The following PTPN21 variants were observed in gnomAD, a reference collection of about 807,000 sequenced individuals.
The protein encoded by PTPN21 is protein tyrosine phosphatase non-receptor type 21.
A neutral mutation model predicts 131.8 loss-of-function variants in PTPN21; 77 were observed. The observed-to-expected ratio is 0.58, with a 90% CI of 0.49 to 0.71. PTPN21 has a LOEUF of 0.71. Among genes scored for constraint, PTPN21 ranks in the 30% least tolerant of loss-of-function variants. The pLI, the probability that PTPN21 is intolerant of heterozygous loss-of-function variation, is 0.00. For synonymous variants in PTPN21, 715 were observed against 621.3 expected, an observed-to-expected ratio of 1.15 and a Z score of -2.24; for missense variants, 1,552 against 1,527.1, an observed-to-expected ratio of 1.02 and a Z score of -0.27.
chr14:88,511,153 C>T (rs1415535957), intron 3 of PTPN21, among the ~76,000 whole-genome samples: 1 of 151,950 alleles, frequency 6.6e-6, no homozygotes, highest in African/African-American at 2.4e-5. Context: ...TGAGCTCAAG[C>T]GATCCTCCCA....
chr14:88,546,894 T>C (rs1004834069), intron 2 of PTPN21, among the ~76,000 whole-genome samples: 3 of 152,228 alleles, frequency 2.0e-5, no homozygotes, highest in Non-Finnish European at 2.9e-5. Flanking sequence ...GCAGAGCTTC[T>C]GGGGCTTTCA....
chr14:88,495,913 A>G (rs557723471), intron 10 of PTPN21, among the ~76,000 whole-genome samples: 2 of 152,326 alleles, frequency 1.3e-5, no homozygotes, highest in South Asian at 2.1e-4. Context: ...AAGCATACAC[A>G]ACTCTCTTGA....
chr14:88,539,172 C>T (rs2078669165), intron 2 of PTPN21, among the ~76,000 whole-genome samples: 1 of 151,886 alleles, frequency 6.6e-6, no homozygotes, highest in Non-Finnish European at 1.5e-5. Flanking sequence ...CAACCTCCAC[C>T]TCCTGGGTTC....
Position 88,550,519 on chromosome 14 carries a change from G to A in PTPN21, c.-102C>T, listed in dbSNP as rs2078850235. 2 of 1,136,306 alleles carry A rather than the reference G, an allele frequency of 1.8e-6. No individual in the cohort carries two copies. Among genetic ancestry groups the A allele is most frequent in the Admixed American group, 2.6e-5 (1 of 37,796 alleles). 70.4% of individuals were successfully genotyped at this position (1,136,306 alleles called of 1,614,324 possible). On this transcript the variant is annotated 5_prime_UTR_variant, in exon 2 of 19. Transcript: ENST00000556564. The stretch of plus-strand genomic sequence containing the variant: ...GAAAGCGATCCTCTCCGGATGGGAC[G>A]AACACTGTCCGGCCTCCAGCTGCTC...
At chr14:88,509,529 A>C (rs1457216403) in intron 3 of PTPN21, among the ~76,000 whole-genome samples, 2 of 152,134 alleles carry the variant, frequency 1.3e-5, no homozygotes, top group Non-Finnish European at 2.9e-5. Context: ...TTCTCCTTCC[A>C]CCTGCTAACA....
intron 2 of PTPN21, among the ~76,000 whole-genome samples, chr14:88,526,829 C>T (rs1422378117): frequency 1.3e-5 from 2 of 152,056 alleles, no homozygotes; most frequent in African/African-American, 4.8e-5. Context: ...CCTGGAAACC[C>T]CAAAGTCCAT....
At position 88,479,761 on chromosome 14, in the gene PTPN21, A is replaced by C. The variant is rs1487149733; in HGVS notation, c.1670T>G (p.Ile557Ser). 3.2e-6 allele frequency: 5 copies of C among 1,544,218 alleles called. No homozygotes were observed. The Admixed American group carries it at 5.5e-5, about 17-fold the overall frequency. The change falls in exon 13 of 19, where the codon ATC becomes AGC. Residue 557 changes from isoleucine (I) to serine (S), a missense_variant. Around this residue, in one of 4 missense-constraint regions of PTPN21, gnomAD observed 1,016 missense variants for 883.5 expected, o/e 1.15. Coordinates refer to ENST00000556564, the MANE Select transcript of PTPN21 (RefSeq NM_007039.4). ...TGGCCGGTACACCTGCGTCCGCATG[A>C]TGTTGGGAGACGGGTAGTCCTGCGC... is the stretch of plus-strand genomic sequence containing the variant. Reference protein sequence around the residue: ...LQAQDYPSPNIMRTQVYRPPP... With the variant: ...LQAQDYPSPNSMRTQVYRPPP...
chr14:88,494,088 C>T (rs946710077), intron 10 of PTPN21, among the ~76,000 whole-genome samples: 2 of 151,976 alleles, frequency 1.3e-5, no homozygotes, highest in East Asian at 1.9e-4. Context: ...AAGAACAAAA[C>T]AAAGTTAGAG....
intron 12 of PTPN21, among the ~76,000 whole-genome samples, chr14:88,482,038 C>T (rs73314162): frequency 0.037 from 5,621 of 152,282 alleles, 349 homozygotes; most frequent in African/African-American, 0.13. Flanking sequence ...CAGTGTGCAA[C>T]GGACAGGTGA....
intron 10 of PTPN21, among the ~76,000 whole-genome samples, chr14:88,492,602 C>A (rs917791861): frequency 6.6e-6 from 1 of 152,172 alleles, no homozygotes; most frequent in African/African-American, 2.4e-5. Flanking sequence ...TCCGGGTGGG[C>A]ATCCCCGCAT....
rs147572187 is a variant in PTPN21 at position 88,515,133 on chromosome 14, T to G, written c.350+1959A>C. On this transcript the variant is annotated intron_variant, in intron 3 of 18. Coordinates refer to ENST00000556564, the MANE Select transcript of PTPN21 (RefSeq NM_007039.4). ...AGTGCGAGCATCCTTGAAGACTCTG[T>G]GGAGCTGTCAGACAAGCTCTGCAAG... 1.3e-4 allele frequency: 20 copies of G among 152,308 alleles called. No individual in the cohort carries two copies. The East Asian group carries it at 3.7e-3, about 28-fold the overall frequency. The allele number at this position is 152,308 out of a possible 1,614,324, so 9.4% of individuals were successfully genotyped here. A position where few individuals can be genotyped will look rare whatever the true frequency, so the allele number is the denominator to read the frequency against.
intron 10 of PTPN21, among the ~76,000 whole-genome samples, chr14:88,486,977 CAAAAAA>C (rs1198956976): frequency 1.3e-4 from 7 of 54,622 alleles, no homozygotes; most frequent in African/African-American, 4.1e-4. Context: ...ATTCTAGCCT[CAAAAAA>C]AAAAAAAAAA....
chr14:88,480,909 G>A (rs539557269), intron 12 of PTPN21, among the ~76,000 whole-genome samples: 5 of 152,318 alleles, frequency 3.3e-5, no homozygotes, highest in African/African-American at 7.2e-5. Context: ...GTGTCCAGAA[G>A]CCAAGAGGAG....
At position 88,479,081 on chromosome 14, in the gene PTPN21, G is replaced by C; in HGVS notation, c.2350C>G (p.Gln784Glu). The stretch of plus-strand genomic sequence containing the variant: ...AGCAGCCCGTCTCTCCAGGGCCGCT[G>C]GGCCTCTGCGGTCGTGCGGACGGGG... The part of the protein sequence containing the change: ...SSPVRTTAEA[Q>E]RPWRDGLLMP... The change falls in exon 13 of 19, where the codon CAG (glutamine) becomes GAG (glutamate). Residue 784 changes from glutamine (Q) to glutamate (E), a missense_variant. Coordinates refer to ENST00000556564, the MANE Select transcript of PTPN21 (RefSeq NM_007039.4). 1 of 1,592,716 alleles carries C rather than the reference G, an allele frequency of 6.3e-7. No homozygotes were observed. The highest frequency in any genetic ancestry group is 8.5e-7 in the Non-Finnish European group (1 of 1,170,706).
At chr14:88,471,178 A>G (rs1265358928) in intron 15 of PTPN21, among the ~76,000 whole-genome samples, 1 of 152,206 alleles carries the variant, frequency 6.6e-6, no homozygotes, top group Non-Finnish European at 1.5e-5. Flanking sequence ...GCAGACTGCC[A>G]GTCTCCAGAA....
rs769742308 is a variant in PTPN21, at chr14:88,517,130, AT to A, written c.311del (p.Tyr104LeufsTer21). On this transcript the variant is annotated frameshift_variant, in exon 3 of 19. Coordinates refer to ENST00000556564, the MANE Select transcript of PTPN21 (RefSeq NM_007039.4). LOFTEE classifies it high-confidence loss of function. Reference sequence around the variant, plus strand: ...GCTGCAGCTGAGAAACTGAAGGCACATAAAACACCACTCCAAAATAGACGGT... The same window carrying A: ...GCTGCAGCTGAGAAACTGAAGGCACAAAAACACCACTCCAAAATAGACGGT... ...EPTVYFGVVF[Y>X]VPSVSQLQQE... 2.5e-6 allele frequency: 4 copies of A among 1,614,118 alleles called. No homozygotes were observed. The highest frequency in any genetic ancestry group is 3.4e-6 in the Non-Finnish European group (4 of 1,179,970).
intron 2 of PTPN21, among the ~76,000 whole-genome samples, 165 bp downstream of exon 2, chr14:88,550,073 T>TGCGCCCGGCCTTGTATGTG (rs1566857421): frequency 6.6e-6 from 1 of 151,724 alleles, no homozygotes; most frequent in Non-Finnish European, 1.5e-5. Flanking sequence ...TGTGAGCCAC[T>TGCGCCCGGCCTTGTATGTG]GCGCCCGGCC....
In PTPN21 at chr14:88,469,863, A is replaced by ATTAACATTAACTG; in HGVS notation, c.3000+46_3000+58dup. On this transcript the variant is annotated intron_variant, in intron 16 of 18. Coordinates refer to ENST00000556564, the MANE Select transcript of PTPN21 (RefSeq NM_007039.4). The surrounding 1 kb of genome is among the most constrained non-coding windows in gnomAD (Gnocchi z 4.3). ...TCTCCACAGGTCAGGATTCCAGATG[A>ATTAACATTAACTG]TTAACATTAACTGTTCTTCAGAGGC... 1.9e-6 allele frequency: 3 copies of ATTAACATTAACTG among 1,610,666 alleles called. No homozygotes were observed. The highest frequency in any genetic ancestry group is 2.5e-6 in the Non-Finnish European group (3 of 1,177,128).
chr14:88,498,312 A>G (rs1444437663), intron 8 of PTPN21, among the ~76,000 whole-genome samples: 1 of 151,944 alleles, frequency 6.6e-6, no homozygotes, highest in Non-Finnish European at 1.5e-5. Flanking sequence ...AAAAAAAAAC[A>G]GTGGTTTTAA....
Sources: gnomAD v4.1 joint callset for allele counts (sites outside exome capture counted in the v4.1 genomes callset) on GRCh38, gnomAD v4.1.1 for gene constraint, gnomAD v4.1.1 regional missense constraint, Gnocchi (gnomAD v3.1) non-coding constraint, MANE v1.5 for transcripts, NCBI Gene and HGNC (gene_info 2026-07-23, HGNC 2026-07-21) for gene names.